PCDH7: variants seen among roughly 807,000 people sequenced by gnomAD.
The protein encoded by PCDH7 is protocadherin-7.
A neutral mutation model predicts 58.9 loss-of-function variants in PCDH7; 17 were observed. That is an observed-to-expected ratio of 0.29 (90% CI 0.20 to 0.43). The LOEUF is 0.43. Ranked by LOEUF, PCDH7 falls within the 20% of genes least tolerant of loss-of-function variation. The probability of loss-of-function intolerance (pLI) is 1.00; values close to 1 mark genes in which losing one functional copy is unlikely to be tolerated. For synonymous variants in PCDH7, 664 were observed against 616.4 expected (o/e 1.08, Z -1.14); for missense variants, 1,274 against 1,441.0 (o/e 0.88, Z 1.88).
At chr4:30,876,957 C>T (rs1736363352) in intron 1 of PCDH7, among the ~76,000 whole-genome samples, 1 of 151,966 alleles carries the variant, frequency 6.6e-6, no homozygotes, top group African/African-American at 2.4e-5. Flanking sequence ...TCCCTGTGTC[C>T]ATGTGTTCTC....
chr4:30,922,707 C>A (rs1743333776), intron 2 of PCDH7, among the ~76,000 whole-genome samples: 1 of 152,040 alleles, frequency 6.6e-6, no homozygotes, highest in Admixed American at 6.6e-5. Context: ...TGTAACGGAT[C>A]TTTCCTGATT....
intron 3 of PCDH7, among the ~76,000 whole-genome samples, chr4:31,010,827 A>G (rs1753119837): frequency 6.6e-6 from 1 of 151,930 alleles, no homozygotes; most frequent in African/African-American, 2.4e-5. Context: ...AAATAATACA[A>G]TGATTTTAAG....
rs573385010 is a variant in PCDH7, at chr4:30,857,939, A to G, written c.71-62214A>G. ...AAGTAGTAATATTGCTTTTGTAAAAATGATATATGCTTTGTGCACAAATTT... is the reference window on the plus strand; with the variant it reads ...AAGTAGTAATATTGCTTTTGTAAAAGTGATATATGCTTTGTGCACAAATTT... On this transcript the variant is annotated intron_variant, in intron 1 of 3. Coordinates refer to the PCDH7 transcript ENST00000509759. Among the ~76,000 whole-genome samples, 441 of 152,310 alleles carry G rather than the reference A, an allele frequency of 2.9e-3. 1 individual carries two copies. The highest frequency in any genetic ancestry group is 3.3e-3 in the Non-Finnish European group (225 of 68,012).
At chr4:30,943,759 GT>G (rs1353139799) in intron 2 of PCDH7, among the ~76,000 whole-genome samples, 1 of 149,496 alleles carries the variant, frequency 6.7e-6, no homozygotes, top group African/African-American at 2.5e-5. Flanking sequence ...TATCATTACT[GT>G]TAGTGTATTT....
At chr4:30,919,057 T>A (rs1490023144) in intron 1 of PCDH7, among the ~76,000 whole-genome samples, 2 of 152,168 alleles carry the variant, frequency 1.3e-5, no homozygotes, top group Non-Finnish European at 2.9e-5. Flanking sequence ...ACTTTCATTA[T>A]TTTCTAGCAA....
chr4:31,087,418 C>A (rs912951480), intron 3 of PCDH7, among the ~76,000 whole-genome samples: 1 of 152,004 alleles, frequency 6.6e-6, no homozygotes, highest in Admixed American at 6.6e-5. Context: ...CAATGCTATG[C>A]GTTTATATTT....
intron 1 of PCDH7, among the ~76,000 whole-genome samples, chr4:30,798,985 T>G (rs1371736212): frequency 6.6e-6 from 1 of 152,236 alleles, no homozygotes; most frequent in Non-Finnish European, 1.5e-5. Context: ...ACTCACTGTT[T>G]TCTTTTGAAA....
At chr4:30,906,975 A>T (rs1741025009) in intron 1 of PCDH7, among the ~76,000 whole-genome samples, 1 of 152,154 alleles carries the variant, frequency 6.6e-6, no homozygotes. Flanking sequence ...GTGACCCAAG[A>T]TCATGCCACT....
At chr4:30,775,935 A>G (rs1464168625) in intron 1 of PCDH7, among the ~76,000 whole-genome samples, 1 of 152,200 alleles carries the variant, frequency 6.6e-6, no homozygotes, top group East Asian at 1.9e-4. Flanking sequence ...CACATTTCAG[A>G]AAGGCCAGAG....
At chr4:30,835,299 G>C (rs530568659) in intron 1 of PCDH7, among the ~76,000 whole-genome samples, 1 of 152,232 alleles carries the variant, frequency 6.6e-6, no homozygotes, top group East Asian at 1.9e-4. Flanking sequence ...ACAGGCAAGC[G>C]AGCATTACTG....
At chr4:30,843,351 G>A (rs1188176236) in intron 1 of PCDH7, among the ~76,000 whole-genome samples, 3 of 151,948 alleles carry the variant, frequency 2.0e-5, no homozygotes, top group East Asian at 3.9e-4. Context: ...ACAGTTGTGC[G>A]CCCTGCTAAT....
intron 2 of PCDH7, among the ~76,000 whole-genome samples, chr4:30,941,100 A>C (rs1020647637): frequency 1.3e-5 from 2 of 152,012 alleles, no homozygotes; most frequent in Non-Finnish European, 2.9e-5. Flanking sequence ...TGGTGAGCAG[A>C]AAATAATTTT....
intron 3 of PCDH7, among the ~76,000 whole-genome samples, chr4:31,095,606 A>G (rs1713863084): frequency 6.6e-6 from 1 of 152,186 alleles, no homozygotes; most frequent in African/African-American, 2.4e-5. Context: ...TCAAAAATTT[A>G]AAAGAAGACT....
At chr4:30,768,687 T>C (rs948471017) in intron 1 of PCDH7, among the ~76,000 whole-genome samples, 5 of 152,230 alleles carry the variant, frequency 3.3e-5, no homozygotes, top group African/African-American at 9.6e-5. Flanking sequence ...CAGATGACAG[T>C]GTACATGTAC....
intron 3 of PCDH7, among the ~76,000 whole-genome samples, chr4:31,055,686 C>T (rs1757107614): frequency 6.6e-6 from 1 of 151,956 alleles, no homozygotes; most frequent in African/African-American, 2.4e-5. Context: ...AAGTGATTCT[C>T]CTGCCTCAGC....
At chr4:30,901,901 A>G (rs1482539449) in intron 1 of PCDH7, among the ~76,000 whole-genome samples, 1 of 152,160 alleles carries the variant, frequency 6.6e-6, no homozygotes, top group Admixed American at 6.5e-5. Context: ...CAGAAGTCTC[A>G]GTGCCTGTTT....
intron 2 of PCDH7, among the ~76,000 whole-genome samples, chr4:30,941,657 T>A: frequency 6.6e-6 from 1 of 151,964 alleles, no homozygotes; most frequent in East Asian, 1.9e-4. Context: ...TTTATTCTAC[T>A]GTTTAAAGTG....
At chr4:30,745,617 C>T (rs536401324) in intron 1 of PCDH7, among the ~76,000 whole-genome samples, 1 of 152,058 alleles carries the variant, frequency 6.6e-6, no homozygotes, top group East Asian at 1.9e-4. Context: ...GCAAAACAAT[C>T]CTGGTCGACT....
At chr4:31,059,493 A>G (rs1205738428) in intron 3 of PCDH7, among the ~76,000 whole-genome samples, 2 of 151,888 alleles carry the variant, frequency 1.3e-5, no homozygotes, top group African/African-American at 4.8e-5. Context: ...TCTCCAGAGT[A>G]TATGTAAATA....
Sources: allele counts gnomAD v4.1 joint callset (sites outside exome capture counted in the v4.1 genomes callset), GRCh38; gene constraint gnomAD v4.1.1; transcripts MANE v1.5; gene names NCBI Gene and HGNC (gene_info 2026-07-23, HGNC 2026-07-21).